Variants in PPP2R5A observed in about 807,000 individuals in gnomAD.
The protein encoded by PPP2R5A is serine/threonine-protein phosphatase 2A 56 kDa regulatory subunit alpha isoform.
In PPP2R5A, 25 loss-of-function variants were observed where a neutral mutation model predicts 64.2. The observed-to-expected ratio is 0.39, with a 90% CI of 0.28 to 0.54. The LOEUF (loss-of-function observed/expected upper bound fraction) is 0.54, where lower values mean the gene tolerates loss of function less well. Among genes scored for constraint, PPP2R5A ranks in the 20% least tolerant of loss-of-function variants. The pLI is 0.67. For synonymous variants in PPP2R5A, 198 were observed against 201.2 expected, an observed-to-expected ratio of 0.98 and a Z score of 0.13; for missense variants, 425 against 576.3, an observed-to-expected ratio of 0.74 and a Z score of 2.69.
chr1:212,317,909 C>T (rs1659188940), intron 1 of PPP2R5A, among the ~76,000 whole-genome samples: 1 of 151,446 alleles, frequency 6.6e-6, no homozygotes, highest in South Asian at 2.1e-4. Context: ...TCGCTTGAAC[C>T]TGGGAGGCAG....
intron 1 of PPP2R5A, among the ~76,000 whole-genome samples, chr1:212,311,465 C>CA (rs879500450): frequency 2.5e-3 from 293 of 117,400 alleles, no homozygotes; most frequent in Middle Eastern, 0.01. Flanking sequence ...GACTCCGTCT[C>CA]AAAAAAAAAA....
intron 8 of PPP2R5A, among the ~76,000 whole-genome samples, chr1:212,351,911 C>G (rs576477208): frequency 1.4e-4 from 21 of 151,772 alleles, no homozygotes; most frequent in African/African-American, 5.1e-4. Context: ...AAACAAAACA[C>G]CGTTCTTATT....
At chr1:212,323,568 C>G (rs1471615461) in intron 1 of PPP2R5A, among the ~76,000 whole-genome samples, 1 of 152,164 alleles carries the variant, frequency 6.6e-6, no homozygotes, top group African/African-American at 2.4e-5. Context: ...CTAAATACTT[C>G]TAATGTTTGG....
chr1:212,354,810 G>A (rs1277803058), intron 8 of PPP2R5A, among the ~76,000 whole-genome samples: 1 of 152,112 alleles, frequency 6.6e-6, no homozygotes, highest in Non-Finnish European at 1.5e-5. Flanking sequence ...TATTTTTACT[G>A]TACCTTTCGT....
intron 3 of PPP2R5A, among the ~76,000 whole-genome samples, chr1:212,334,926 C>G (rs769754094): frequency 1.3e-5 from 2 of 152,058 alleles, no homozygotes; most frequent in African/African-American, 2.4e-5. Context: ...ATTATGTAAA[C>G]TAATATTTTT....
At chr1:212,355,949 C>G (rs1659969451) in intron 8 of PPP2R5A, among the ~76,000 whole-genome samples, 1 of 151,884 alleles carries the variant, frequency 6.6e-6, no homozygotes, top group Non-Finnish European at 1.5e-5. Context: ...CCTATAATCC[C>G]AGCTACTCGA....
chr1:212,310,636 T>C (rs113925817), intron 1 of PPP2R5A, among the ~76,000 whole-genome samples: 3,227 of 152,280 alleles, frequency 0.021, 123 homozygotes, highest in African/African-American at 0.073. Flanking sequence ...GAGGTCTTCT[T>C]TTTGGCTTGC....
intron 8 of PPP2R5A, 23 bp downstream of exon 8, chr1:212,349,265 T>C (rs1659835208): frequency 6.5e-7 from 1 of 1,535,466 alleles, no homozygotes; most frequent in Non-Finnish European, 8.9e-7. Context: ...TTTATTTTCA[T>C]GTTTTTGGTC....
chr1:212,316,587 C>CTTTTTTTTTTTTTTTT lies in PPP2R5A; in HGVS notation c.182-12537_182-12522dup, dbSNP rs751228809. Among the ~76,000 whole-genome samples the CTTTTTTTTTTTTTTTT allele has an allele frequency of 4.5e-3, 164 of 36,658 alleles. 12 individuals are homozygous for CTTTTTTTTTTTTTTTT. The highest frequency in any genetic ancestry group is 6.2e-3 in the Non-Finnish European group (115 of 18,546). 24.0% of individuals were successfully genotyped at this position (36,658 alleles called of 152,430 possible). ...ATGGATATTTAACCTTTGTGGGTGA[C>CTTTTTTTTTTTTTTTT]TTTTTTTTTTTTTTTTTTTTTTTTT... On this transcript the variant is annotated intron_variant, in intron 1 of 12. Transcript: ENST00000261461.
rs745634075 is a variant in PPP2R5A, at chr1:212,286,163, C to G, written c.53C>G (p.Ser18Trp). 1 of 1,591,272 alleles carries G rather than the reference C, an allele frequency of 6.3e-7. No homozygotes were observed. The highest frequency in any genetic ancestry group is 1.1e-5 in the South Asian group (1 of 88,394). ...AGAASAAISA[S>W]EKVDGFTRKS... is the part of the protein sequence containing the mutation. ...GCTGCCAGCGCCGCCATCTCGGCCT[C>G]GGAGAAAGTGGACGGCTTCACCCGG... Residue 18 changes from serine (S) to tryptophan (W), a missense_variant, in exon 1 of 13, where the codon TCG becomes TGG. By Grantham distance (177) the Ser-to-Trp change is radical. Coordinates refer to ENST00000261461, the MANE Select transcript of PPP2R5A (RefSeq NM_006243.4).
intron 1 of PPP2R5A, among the ~76,000 whole-genome samples, chr1:212,318,382 AT>A (rs1179584387): frequency 6.6e-6 from 1 of 152,026 alleles, no homozygotes; most frequent in East Asian, 1.9e-4. Flanking sequence ...ATTTAGTGAT[AT>A]TTTCTAGAAG....
chr1:212,350,261 A>G (rs938054647), intron 8 of PPP2R5A, among the ~76,000 whole-genome samples: 1 of 152,224 alleles, frequency 6.6e-6, no homozygotes, highest in African/African-American at 2.4e-5. Context: ...TTTGACTTTT[A>G]GATTTACAGT....
intron 11 of PPP2R5A, chr1:212,357,526 G>C (rs369564644): frequency 3.9e-6 from 1 of 257,676 alleles, no homozygotes; most frequent in Non-Finnish European, 7.0e-6. Flanking sequence ...AGAGACAGCC[G>C]GGCGCGGTGG....
intron 1 of PPP2R5A, among the ~76,000 whole-genome samples, chr1:212,309,824 G>GA (rs932149131): frequency 1.4e-4 from 21 of 148,444 alleles, no homozygotes; most frequent in South Asian, 2.1e-4. Context: ...CGAGCTAAAA[G>GA]AAAAAAAAAA....
chr1:212,326,422 C>A (rs1659408625), intron 1 of PPP2R5A, among the ~76,000 whole-genome samples: 1 of 151,804 alleles, frequency 6.6e-6, no homozygotes, highest in Admixed American at 6.6e-5. Flanking sequence ...GGTGAAACTT[C>A]ATCTCTATTA....
intron 1 of PPP2R5A, among the ~76,000 whole-genome samples, chr1:212,290,917 G>T (rs1238552373): frequency 6.6e-6 from 1 of 152,136 alleles, no homozygotes; most frequent in Non-Finnish European, 1.5e-5. Flanking sequence ...AGATGAATTA[G>T]TCTTTAAGGA....
At chr1:212,351,832 TTTTA>T (rs1659885050) in intron 8 of PPP2R5A, among the ~76,000 whole-genome samples, 1 of 152,084 alleles carries the variant, frequency 6.6e-6, no homozygotes, top group African/African-American at 2.4e-5. Flanking sequence ...CTTTCAAAAC[TTTTA>T]TTTTTTTGGC....
intron 1 of PPP2R5A, among the ~76,000 whole-genome samples, chr1:212,311,033 A>G (rs2102420123): frequency 6.6e-6 from 1 of 152,320 alleles, no homozygotes; most frequent in African/African-American, 2.4e-5. Flanking sequence ...ATGACGTGGT[A>G]TATAGGATGG....
At chr1:212,346,284 A>T (rs750961250) in intron 5 of PPP2R5A, among the ~76,000 whole-genome samples, 3 of 152,054 alleles carry the variant, frequency 2.0e-5, no homozygotes, top group Non-Finnish European at 2.9e-5. Flanking sequence ...CGTAGTATAT[A>T]TGTAACATAC....
Sources: gnomAD v4.1 joint callset for allele counts (sites outside exome capture counted in the v4.1 genomes callset) on GRCh38, gnomAD v4.1.1 for gene constraint, MANE v1.5 for transcripts, NCBI Gene and HGNC (gene_info 2026-07-23, HGNC 2026-07-21) for gene names.